SRD5A2: variants seen among roughly 807,000 people sequenced by gnomAD.
The protein encoded by SRD5A2 is steroid 5 alpha-reductase 2.
SRD5A2 carries 30 observed loss-of-function variants against 27.4 expected under a neutral mutation model. The ratio of observed to expected loss-of-function variants is 1.10; its 90% CI spans 0.82 to 1.49. The LOEUF (loss-of-function observed/expected upper bound fraction) is 1.49. Ranked by LOEUF, SRD5A2 falls within the 40% of genes most tolerant of loss-of-function variation. The pLI is 0.00. For synonymous variants in SRD5A2, 141 were observed against 133.6 expected (o/e 1.06, Z -0.38); for missense variants, 348 against 323.4 (o/e 1.08, Z -0.58).
the SRD5A2 span, among the ~76,000 whole-genome samples, chr2:31,609,955 G>A: frequency 1.3e-5 from 2 of 151,968 alleles, no homozygotes; most frequent in Non-Finnish European, 2.9e-5. Context: ...CCTGCAACCT[G>A]CCAAGACTGA....
the SRD5A2 span, among the ~76,000 whole-genome samples, chr2:31,585,962 A>G: frequency 6.6e-6 from 1 of 152,162 alleles, no homozygotes; most frequent in African/African-American, 2.4e-5. Flanking sequence ...CTGCCTTTGG[A>G]CAGGGGAGGA....
At chr2:31,583,629 CA>C (rs1444179789), upstream of SRD5A2, among the ~76,000 whole-genome samples, 1 of 14,726 alleles carries the variant, frequency 6.8e-5, no homozygotes, top group Non-Finnish European at 1.6e-4. Flanking sequence ...AAAAAAAAAA[CA>C]AAAAAAAAGC....
the SRD5A2 span, among the ~76,000 whole-genome samples, chr2:31,655,102 T>A: frequency 1.3e-5 from 2 of 152,184 alleles, no homozygotes; most frequent in Non-Finnish European, 2.9e-5. Context: ...TTAATTTTTT[T>A]ATTTTTATTT....
At chr2:31,653,659 CA>C in the SRD5A2 span, among the ~76,000 whole-genome samples, 1 of 152,112 alleles carries the variant, frequency 6.6e-6, no homozygotes, top group Non-Finnish European at 1.5e-5. Context: ...CTGCAAACTC[CA>C]ATTTTTTTTT....
intron 2 of SRD5A2, among the ~76,000 whole-genome samples, chr2:31,532,793 A>G (rs1665940955): frequency 7.0e-6 from 1 of 142,514 alleles, no homozygotes; most frequent in Non-Finnish European, 1.5e-5. Context: ...GGGGCAGGGG[A>G]TGGTAGGGGA....
At chr2:31,615,033 C>A in the SRD5A2 span, among the ~76,000 whole-genome samples, 1 of 152,188 alleles carries the variant, frequency 6.6e-6, no homozygotes, top group South Asian at 2.1e-4. Flanking sequence ...GTAAGACATG[C>A]CTTTCATCTT....
At chr2:31,550,719 A>G (rs1311717000) in intron 1 of SRD5A2, among the ~76,000 whole-genome samples, 1 of 152,018 alleles carries the variant, frequency 6.6e-6, no homozygotes, top group Non-Finnish European at 1.5e-5. Flanking sequence ...AATAGAAAAT[A>G]AGAGTAGAGG....
chr2:31,569,175 A>G lies in SRD5A2; in HGVS notation c.281+11445T>C, dbSNP rs369964849. 4.6e-5 allele frequency among the ~76,000 whole-genome samples: 7 copies of G among 152,372 alleles called. No homozygotes were observed. The East Asian group carries it at 1.4e-3, about 29-fold the overall frequency. The stretch of plus-strand genomic sequence containing the variant: ...CCAGCTCTGTGGAGTGCGCAGCCCC[A>G]GCCATGCCTCTAACACTGCAGCCAC... On this transcript the variant is annotated intron_variant, in intron 1 of 4. Coordinates refer to ENST00000622030, the MANE Select transcript of SRD5A2 (RefSeq NM_000348.4).
At chr2:31,591,778 T>A in the SRD5A2 span, among the ~76,000 whole-genome samples, 6 of 53,186 alleles carry the variant, frequency 1.1e-4, no homozygotes, top group Admixed American at 1.1e-3. Flanking sequence ...TGAGTTCATG[T>A]CCTTTGTNAG....
At chr2:31,594,650 C>G in the SRD5A2 span, among the ~76,000 whole-genome samples, 11 of 152,060 alleles carry the variant, frequency 7.2e-5, no homozygotes, top group African/African-American at 2.7e-4. Context: ...GACAAGTCAT[C>G]AAGACAGAAA....
At chr2:31,651,033 C>T in the SRD5A2 span, among the ~76,000 whole-genome samples, 1 of 152,206 alleles carries the variant, frequency 6.6e-6, no homozygotes, top group African/African-American at 2.4e-5. Context: ...GGCCAATCAC[C>T]TGCAACAGAA....
chr2:31,580,584 G>GCGCT (rs1199249568), intron 1 of SRD5A2, 36 bp downstream of exon 1: 1 of 1,490,612 alleles, frequency 6.7e-7, no homozygotes, highest in African/African-American at 1.4e-5. Context: ...GCAGGGCAGT[G>GCGCT]CGCTGCACTG....
the SRD5A2 span, among the ~76,000 whole-genome samples, chr2:31,591,180 C>G: frequency 3.9e-5 from 6 of 152,316 alleles, no homozygotes; most frequent in East Asian, 1.2e-3. Flanking sequence ...TTTTTGCAAT[C>G]TATTCATCTG....
chr2:31,542,211 A>G (rs1666143317), intron 1 of SRD5A2, among the ~76,000 whole-genome samples: 1 of 152,224 alleles, frequency 6.6e-6, no homozygotes, highest in African/African-American at 2.4e-5. Flanking sequence ...TTTATTTTGT[A>G]TCTTAGAAGT....
the SRD5A2 span, among the ~76,000 whole-genome samples, chr2:31,642,033 G>A: frequency 6.6e-6 from 1 of 152,046 alleles, no homozygotes; most frequent in African/African-American, 2.4e-5. Flanking sequence ...AGGTGATATG[G>A]TATTGGTGAA....
intron 1 of SRD5A2, among the ~76,000 whole-genome samples, chr2:31,575,121 C>G (rs1340943609): frequency 6.6e-6 from 1 of 151,498 alleles, no homozygotes; most frequent in Non-Finnish European, 1.5e-5. Context: ...CTTGCTTGGG[C>G]TTTTTTTTTC....
intron 1 of SRD5A2, among the ~76,000 whole-genome samples, chr2:31,534,082 A>T (rs1665973649): frequency 6.6e-6 from 1 of 152,222 alleles, no homozygotes; most frequent in African/African-American, 2.4e-5. Flanking sequence ...AAGTACAATA[A>T]ATATCCTTAA....
chr2:31,599,028 A>G, the SRD5A2 span, among the ~76,000 whole-genome samples: 5 of 152,146 alleles, frequency 3.3e-5, 1 homozygote, highest in South Asian at 8.3e-4. Flanking sequence ...CTATACTTAT[A>G]TCAGACAAAG....
chr2:31,660,884 A>T, the SRD5A2 span, among the ~76,000 whole-genome samples: 1 of 152,058 alleles, frequency 6.6e-6, no homozygotes, highest in Non-Finnish European at 1.5e-5. Context: ...GGCATCCATG[A>T]GTAATTCAGA....
Sources: allele counts gnomAD v4.1 joint callset (sites outside exome capture counted in the v4.1 genomes callset), GRCh38; gene constraint gnomAD v4.1.1; transcripts MANE v1.5; gene names NCBI Gene and HGNC (gene_info 2026-07-23, HGNC 2026-07-21).